NCAPG: variants seen among roughly 807,000 people sequenced by gnomAD.
NCAPG encodes the protein non-SMC condensin I complex subunit G, also known as condensin complex subunit 3.
Under a neutral mutation model 113.1 loss-of-function variants are expected in NCAPG, and 69 were observed. The observed-to-expected ratio is 0.61, with a 90% confidence interval of 0.50 to 0.75. The LOEUF is 0.75. Ranked by LOEUF, NCAPG falls within the 30% of genes least tolerant of loss-of-function variation. The probability of loss-of-function intolerance (pLI) is 0.00; values close to 1 mark genes in which losing one functional copy is unlikely to be tolerated. For missense variants in NCAPG, 1,058 were observed against 1,177.0 expected, an observed-to-expected ratio of 0.90 and a Z score of 1.48; for synonymous variants, 370 against 415.8, an observed-to-expected ratio of 0.89 and a Z score of 1.34.
intron 20 of NCAPG, 21 bp from the exon 21 acceptor site, chr4:17,843,281 G>T (rs199720084): frequency 1.9e-6 from 3 of 1,597,526 alleles, no homozygotes; most frequent in Non-Finnish European, 2.6e-6. Flanking sequence ...CTAAATTCGT[G>T]TATTTTCAAC....
Position 17,843,516 on chromosome 4 carries a change from C to T in NCAPG, c.*91C>T, listed in dbSNP as rs1036968977. 1 of 1,424,088 alleles carries T rather than the reference C, an allele frequency of 7.0e-7. No homozygotes were observed. The highest frequency in any genetic ancestry group is 9.6e-7 in the Non-Finnish European group (1 of 1,038,842). The allele number at this position is 1,424,088 out of a possible 1,614,324, so 88.2% of individuals were successfully genotyped here. On this transcript the variant is annotated 3_prime_UTR_variant, in exon 21 of 21. Transcript: ENST00000251496. ...TACCCTTGTCAAAATCAGAACAAAC[C>T]TGATGTCTTTCTGAAGATTTTCTGC...
At chr4:17,824,410 T>C (rs1041221425) in intron 9 of NCAPG, among the ~76,000 whole-genome samples, 2 of 152,134 alleles carry the variant, frequency 1.3e-5, no homozygotes, top group African/African-American at 4.8e-5. Flanking sequence ...TCCTTATATA[T>C]ACACCCCTTC....
At chr4:17,822,931 CTT>C (rs1477397870) in intron 7 of NCAPG, 50 bp from the exon 8 acceptor site, 5 of 1,459,302 alleles carry the variant, frequency 3.4e-6, no homozygotes, top group Admixed American at 2.4e-5. Flanking sequence ...GGAATCAACT[CTT>C]GTTTGATGTT....
intron 7 of NCAPG, among the ~76,000 whole-genome samples, chr4:17,822,606 A>G (rs1238346036): frequency 6.6e-6 from 1 of 152,200 alleles, no homozygotes; most frequent in Non-Finnish European, 1.5e-5. Context: ...ATTCTCAGAT[A>G]AACTCATCCT....
intron 11 of NCAPG, among the ~76,000 whole-genome samples, 172 bp downstream of exon 11, chr4:17,825,733 A>G (rs984567681): frequency 2.0e-5 from 3 of 152,094 alleles, no homozygotes; most frequent in African/African-American, 7.2e-5. Context: ...TGGACTTTGA[A>G]AGGCCTTAAT....
At chr4:17,815,087 A>G in intron 4 of NCAPG, 89 bp downstream of exon 4, 2 of 1,529,194 alleles carry the variant, frequency 1.3e-6, no homozygotes, top group South Asian at 2.4e-5. Flanking sequence ...CTTGGCATGT[A>G]ATAATTTCTT....
At chr4:17,837,423 T>G (rs1577210254) in intron 15 of NCAPG, 83 bp downstream of exon 15, 1 of 1,336,394 alleles carries the variant, frequency 7.5e-7, no homozygotes, top group Admixed American at 2.3e-5. Flanking sequence ...AATGATATTT[T>G]GTTGTTGATA....
At position 17,824,975 on chromosome 4, in the gene NCAPG, A is replaced by C; in HGVS notation, c.1391A>C (p.Glu464Ala). ...TGTACTCTGAACTTACAGGTTACAGAAATTATCTCAGAGATTCGGGCGCCC... is the reference window on the plus strand; with the variant it reads ...TGTACTCTGAACTTACAGGTTACAGCAATTATCTCAGAGATTCGGGCGCCC... ...DDNKRTQIVT[E>A]IISEIRAPIV... Residue 464 changes from glutamate (E) to alanine (A), a missense_variant, in exon 10 of 21, where the codon GAA becomes GCA. Transcript: ENST00000251496. 1 of 1,611,348 alleles carries C rather than the reference A, an allele frequency of 6.2e-7. No homozygotes were observed. The highest frequency in any genetic ancestry group is 8.5e-7 in the Non-Finnish European group (1 of 1,178,258).
At chr4:17,838,739 A>G (rs1326913072) in intron 16 of NCAPG, among the ~76,000 whole-genome samples, 1 of 152,170 alleles carries the variant, frequency 6.6e-6, no homozygotes, top group African/African-American at 2.4e-5. Context: ...AGATTGCTTT[A>G]AAGGCCAATG....
rs185376093 is a variant in NCAPG, at chr4:17,816,910, G to A, written c.776-351G>A. ...AGCACTTTTGGAGGCCGAGGCAGGCGGATCACGAGGTCAAGAGATTGAGAC... is the reference window on the plus strand; with the variant it reads ...AGCACTTTTGGAGGCCGAGGCAGGCAGATCACGAGGTCAAGAGATTGAGAC... On this transcript the variant is annotated intron_variant, in intron 5 of 20. Transcript: ENST00000251496. 5.3e-5 allele frequency among the ~76,000 whole-genome samples: 8 copies of A among 152,182 alleles called. No homozygotes were observed. In the East Asian group the frequency reaches 1.4e-3, roughly 26 times the overall value.
Position 17,843,507 on chromosome 4 carries a change from A to G in NCAPG, c.*82A>G, listed in dbSNP as rs114918458. On this transcript the variant is annotated 3_prime_UTR_variant, in exon 21 of 21. Transcript: ENST00000251496. ...AGAAGAAGTTACCCTTGTCAAAATC[A>G]GAACAAACCTGATGTCTTTCTGAAG... The G allele has an allele frequency of 1.5e-4, 217 of 1,479,606 alleles. No homozygotes were observed. The African/African-American group carries it at 2.8e-3, about 19-fold the overall frequency. The allele number at this position is 1,479,606 out of a possible 1,614,324, so 91.7% of individuals were successfully genotyped here. A position where few individuals can be genotyped will look rare whatever the true frequency, so the allele number is the denominator to read the frequency against.
At chr4:17,842,260 CAAAA>C in intron 19 of NCAPG, 46 bp from the exon 20 acceptor site, 1 of 1,542,504 alleles carries the variant, frequency 6.5e-7, no homozygotes, top group Non-Finnish European at 8.9e-7. Flanking sequence ...AGATTAAAAA[CAAAA>C]AGCAACTGAT....
Position 17,811,019 on chromosome 4 carries a change from C to T in NCAPG, c.-59C>T. On this transcript the variant is annotated 5_prime_UTR_variant, in exon 1 of 21. Transcript: ENST00000251496. The surrounding 1 kb of genome is among the most constrained non-coding windows in gnomAD (Gnocchi z 5.3). Reference sequence around the variant, plus strand: ...TCGGAGAGCGCTGCCTCTGGGTTGGCGGGCTGGCAGGCTGTAGCCGAGCGC... The same window carrying T: ...TCGGAGAGCGCTGCCTCTGGGTTGGTGGGCTGGCAGGCTGTAGCCGAGCGC... The T allele has an allele frequency of 4.6e-6, 5 of 1,092,960 alleles. No individual in the cohort carries two copies. The highest frequency in any genetic ancestry group is 2.3e-4 in the Middle Eastern group (1 of 4,348). The allele number at this position is 1,092,960 out of a possible 1,614,324, so 67.7% of individuals were successfully genotyped here. A position where few individuals can be genotyped will look rare whatever the true frequency, so the allele number is the denominator to read the frequency against.
In NCAPG at chr4:17,810,983, TAGA is replaced by T; in HGVS notation, c.-91_-89del. On this transcript the variant is annotated 5_prime_UTR_variant, in exon 1 of 21. Coordinates refer to ENST00000251496, the MANE Select transcript of NCAPG (RefSeq NM_022346.5). ...CGGTAAATACTCCCTGGGGCTGTCA[TAGA>T]AGACTACTCGGAGAGCGCTGCCTCT... is the stretch of plus-strand genomic sequence containing the variant. The T allele has an allele frequency of 1.5e-6, 1 of 649,618 alleles. No individual in the cohort carries two copies. The highest frequency in any genetic ancestry group is 2.5e-6 in the Non-Finnish European group (1 of 396,772). 40.2% of individuals were successfully genotyped at this position (649,618 alleles called of 1,614,324 possible).
rs751776175 is a variant in NCAPG, at chr4:17,824,949, A to G, written c.1384-19A>G. The G allele has an allele frequency of 1.3e-6, 2 of 1,566,512 alleles. No individual in the cohort carries two copies. Among genetic ancestry groups the G allele is most frequent in the South Asian group, 1.1e-5 (1 of 88,966 alleles). ...TGATATATCAAACATATATTAAAGC[A>G]TGTACTCTGAACTTACAGGTTACAG... On this transcript the variant is annotated intron_variant, in intron 9 of 20. Coordinates refer to ENST00000251496, the MANE Select transcript of NCAPG (RefSeq NM_022346.5).
chr4:17,840,794 G>T, intron 19 of NCAPG, 101 bp downstream of exon 19: 1 of 656,308 alleles, frequency 1.5e-6, no homozygotes. Context: ...TTTCCTTAGG[G>T]ATAAAGATTT....
intron 11 of NCAPG, among the ~76,000 whole-genome samples, chr4:17,826,362 A>G (rs1005915552): frequency 1.3e-5 from 2 of 152,134 alleles, no homozygotes; most frequent in Non-Finnish European, 2.9e-5. Flanking sequence ...ACTCTTTTAT[A>G]TAGGAGAGTT....
intron 13 of NCAPG, among the ~76,000 whole-genome samples, chr4:17,834,027 G>GA (rs1265159389): frequency 6.6e-6 from 1 of 152,096 alleles, no homozygotes; most frequent in Admixed American, 6.6e-5. Flanking sequence ...AATTCAGCCT[G>GA]ACTCCAACTC....
chr4:17,823,536 C>A, intron 8 of NCAPG, 111 bp from the exon 9 acceptor site: 1 of 918,264 alleles, frequency 1.1e-6, no homozygotes, highest in Non-Finnish European at 1.6e-6. Flanking sequence ...TAGTGATAAA[C>A]CTAAGTGAAA....
Sources: gnomAD v4.1 joint callset for allele counts (sites outside exome capture counted in the v4.1 genomes callset) on GRCh38, gnomAD v4.1.1 for gene constraint, Gnocchi (gnomAD v3.1) non-coding constraint, MANE v1.5 for transcripts, NCBI Gene and HGNC (gene_info 2026-07-23, HGNC 2026-07-21) for gene names.